EVC2: variants seen among roughly 807,000 people sequenced by gnomAD.
The protein encoded by EVC2 is EvC ciliary complex subunit 2.
Under a neutral mutation model 149.3 loss-of-function variants are expected in EVC2, and 148 were observed. That is an observed-to-expected ratio of 0.99 (90% CI 0.87 to 1.14). The LOEUF (loss-of-function observed/expected upper bound fraction) is 1.14, where lower values mean the gene tolerates loss of function less well. EVC2 is among the 50% of genes most tolerant of loss of function. The pLI is 0.00. For missense variants in EVC2, 1,854 were observed against 1,627.3 expected, an observed-to-expected ratio of 1.14 and a Z score of -2.40; for synonymous variants, 776 against 649.9, an observed-to-expected ratio of 1.19 and a Z score of -2.95.
intron 19 of EVC2, among the ~76,000 whole-genome samples, chr4:5,573,932 G>T (rs754000020): frequency 2.0e-5 from 3 of 152,222 alleles, no homozygotes; most frequent in Non-Finnish European, 2.9e-5. Context: ...TGATGAGAAA[G>T]AACGGGCATG....
intron 16 of EVC2, among the ~76,000 whole-genome samples, chr4:5,590,999 G>A (rs941512287): frequency 1.3e-5 from 2 of 152,134 alleles, no homozygotes; most frequent in Admixed American, 6.5e-5. Flanking sequence ...AGAACAGCAT[G>A]AGGGTAACTG....
chr4:5,700,226 C>T (rs1286611471), intron 1 of EVC2, among the ~76,000 whole-genome samples: 3 of 152,172 alleles, frequency 2.0e-5, no homozygotes, highest in Admixed American at 6.5e-5. Flanking sequence ...GAACTTTCTG[C>T]GCTATGTGCT....
chr4:5,609,087 C>T (rs1714623496), intron 16 of EVC2, among the ~76,000 whole-genome samples: 2 of 152,084 alleles, frequency 1.3e-5, no homozygotes, highest in Admixed American at 6.5e-5. Context: ...TGAATTATAC[C>T]ACCAGGTTTG....
intron 21 of EVC2, among the ~76,000 whole-genome samples, chr4:5,564,825 G>T: frequency 6.6e-6 from 1 of 152,200 alleles, no homozygotes; most frequent in East Asian, 1.9e-4. Context: ...AAAGGGGGCA[G>T]TGAGGCAGCC....
Position 5,677,778 on chromosome 4 carries a change from T to C in EVC2, c.870+3482A>G, listed in dbSNP as rs1720090038. Among the ~76,000 whole-genome samples, 1 of 152,102 alleles carries C rather than the reference T, an allele frequency of 6.6e-6. No individual in the cohort carries two copies. The highest frequency in any genetic ancestry group is 1.5e-5 in the Non-Finnish European group (1 of 68,022). The stretch of plus-strand genomic sequence containing the variant: ...GTGCCACCTACAATGTACCGCACAG[T>C]GGGGGACACAGGCAAATCCGACATG... On this transcript the variant is annotated intron_variant, in intron 7 of 21. Transcript: ENST00000344408. This position sits in a 1 kb window ranked among gnomAD's most constrained non-coding sequence, Gnocchi z 4.3.
chr4:5,707,228 T>G (rs771494089), intron 1 of EVC2, among the ~76,000 whole-genome samples: 2 of 152,160 alleles, frequency 1.3e-5, no homozygotes, highest in Non-Finnish European at 2.9e-5. Context: ...GTTCTGTCAT[T>G]GGACTTTTGA....
chr4:5,693,111 A>T (rs1390631583), intron 3 of EVC2, among the ~76,000 whole-genome samples: 1 of 152,098 alleles, frequency 6.6e-6, no homozygotes, highest in East Asian at 1.9e-4. Context: ...GCAAACAATA[A>T]CTGATAAATA....
chr4:5,574,551 C>T, intron 19 of EVC2, 134 bp downstream of exon 19: 1 of 886,370 alleles, frequency 1.1e-6, no homozygotes, highest in East Asian at 2.5e-5. Flanking sequence ...TAGAGCTTCG[C>T]ACACATCTGC....
In EVC2 at chr4:5,614,881, G is replaced by A. The variant is rs771227875; in HGVS notation, c.2829+541C>T. On this transcript the variant is annotated intron_variant, in intron 16 of 21. Coordinates refer to ENST00000344408, the MANE Select transcript of EVC2 (RefSeq NM_147127.5). The surrounding 1 kb of genome is among the most constrained non-coding windows in gnomAD (Gnocchi z 4.7). ...AATCCCAGCTACTCGGAAGGGTGAG[G>A]CAGAAGAATCACTTGAACCCAGGAG... Among the ~76,000 whole-genome samples, 8 of 152,120 alleles carry A rather than the reference G, an allele frequency of 5.3e-5. No individual in the cohort carries two copies. The highest frequency in any genetic ancestry group is 7.4e-5 in the Non-Finnish European group (5 of 68,026).
chr4:5,689,801 A>T (rs1720986999), intron 4 of EVC2, among the ~76,000 whole-genome samples: 2 of 152,146 alleles, frequency 1.3e-5, no homozygotes, highest in African/African-American at 2.4e-5. Flanking sequence ...CATCTCCCAC[A>T]TTCAGGCTCT....
intron 9 of EVC2, among the ~76,000 whole-genome samples, chr4:5,661,195 C>T (rs1027326029): frequency 6.6e-6 from 1 of 152,130 alleles, no homozygotes; most frequent in Non-Finnish European, 1.5e-5. Flanking sequence ...GAAGGGTTCA[C>T]ATTTGGCCCC....
In EVC2 at chr4:5,664,750, C is replaced by T. The variant is rs75611659; in HGVS notation, c.1005+765G>A. On this transcript the variant is annotated intron_variant, in intron 8 of 21. Coordinates refer to ENST00000344408, the MANE Select transcript of EVC2 (RefSeq NM_147127.5). ...GACTAAGCCCATCAGGGCCCAGGTC[C>T]CTGATGAAACACACCCTTTACCAGA... 2.4e-3 allele frequency among the ~76,000 whole-genome samples: 360 copies of T among 152,260 alleles called. 1 individual carries two copies. The highest frequency in any genetic ancestry group is 0.013 in the Admixed American group (194 of 15,296).
At chr4:5,672,384 T>C (rs1318793661) in intron 7 of EVC2, among the ~76,000 whole-genome samples, 2 of 152,176 alleles carry the variant, frequency 1.3e-5, no homozygotes, top group South Asian at 2.1e-4. Flanking sequence ...CTTTAAGCCA[T>C]GAAGAAACAT....
At chr4:5,595,276 C>A (rs1407542783) in intron 16 of EVC2, among the ~76,000 whole-genome samples, 1 of 151,928 alleles carries the variant, frequency 6.6e-6, no homozygotes, top group Non-Finnish European at 1.5e-5. Flanking sequence ...TCAGATTCAC[C>A]AAAGTTGAAA....
chr4:5,701,137 T>C (rs1043249847), intron 1 of EVC2, among the ~76,000 whole-genome samples: 17 of 152,156 alleles, frequency 1.1e-4, no homozygotes, highest in Non-Finnish European at 2.4e-4. Context: ...CCTTCCTCCA[T>C]TGTCAAAGGC....
intron 21 of EVC2, among the ~76,000 whole-genome samples, chr4:5,553,613 G>C (rs1006897080): frequency 6.6e-6 from 1 of 152,126 alleles, no homozygotes; most frequent in Admixed American, 6.5e-5. Flanking sequence ...ATTTTTGGAG[G>C]AGTAATAAAA....
chr4:5,535,358 G>C, the EVC2 span, among the ~76,000 whole-genome samples: 1 of 152,142 alleles, frequency 6.6e-6, no homozygotes, highest in Non-Finnish European at 1.5e-5. This position sits in a 1 kb window ranked among gnomAD's most constrained non-coding sequence, Gnocchi z 4.7. Context: ...AAGGTTTTCT[G>C]TGAGTTCGTC....
chr4:5,696,897 A>G lies in EVC2; in HGVS notation c.283+696T>C, dbSNP rs1721510612. On this transcript the variant is annotated intron_variant, in intron 2 of 21. Coordinates refer to ENST00000344408, the MANE Select transcript of EVC2 (RefSeq NM_147127.5). This position sits in a 1 kb window ranked among gnomAD's most constrained non-coding sequence, Gnocchi z 4.1. Reference sequence around the variant, plus strand: ...TATCTTAGGGTCTCAGATACTTTGCAAATGTGATTCCATTAAGGGCTTCGA... The same window carrying G: ...TATCTTAGGGTCTCAGATACTTTGCGAATGTGATTCCATTAAGGGCTTCGA... 6.6e-6 allele frequency among the ~76,000 whole-genome samples: 1 copy of G among 152,240 alleles called. No individual in the cohort carries two copies. The highest frequency in any genetic ancestry group is 2.1e-4 in the South Asian group (1 of 4,832).
chr4:5,651,271 T>C (rs553370982), intron 9 of EVC2, among the ~76,000 whole-genome samples: 28 of 151,364 alleles, frequency 1.8e-4, no homozygotes, highest in African/African-American at 6.6e-4. Flanking sequence ...TGGATGGATA[T>C]GCAGATGGAT....
Sources: allele counts gnomAD v4.1 joint callset (sites outside exome capture counted in the v4.1 genomes callset), GRCh38; gene constraint gnomAD v4.1.1; non-coding constraint Gnocchi (gnomAD v3.1); transcripts MANE v1.5; gene names NCBI Gene and HGNC (gene_info 2026-07-23, HGNC 2026-07-21).